The following IMPG1 variants were observed in gnomAD, a reference collection of about 807,000 sequenced individuals.
IMPG1 encodes interphotoreceptor matrix proteoglycan 1.
In IMPG1, 85 loss-of-function variants were observed where a neutral mutation model predicts 92.0. The ratio of observed to expected loss-of-function variants is 0.92; its 90% confidence interval spans 0.78 to 1.11. The LOEUF (loss-of-function observed/expected upper bound fraction) is 1.11, where lower values mean the gene tolerates loss of function less well. Among genes scored for constraint, IMPG1 ranks in the 50% least tolerant of loss-of-function variants. The probability of loss-of-function intolerance (pLI) is 0.00; values close to 1 mark genes in which losing one functional copy is unlikely to be tolerated. For synonymous variants in IMPG1, 367 were observed against 334.1 expected (o/e 1.10, Z -1.08); for missense variants, 1,022 against 956.0 (o/e 1.07, Z -0.91).
chr6:75,923,768 T>A, intron 15 of IMPG1, 62 bp from the exon 16 acceptor site: 1 of 869,012 alleles, frequency 1.2e-6, no homozygotes, highest in South Asian at 1.5e-5. Context: ...TAATAGTAAC[T>A]ACATCTTTCT....
chr6:76,071,650 C>G (rs766267460), intron 1 of IMPG1, among the ~76,000 whole-genome samples: 4 of 152,004 alleles, frequency 2.6e-5, no homozygotes, highest in African/African-American at 7.2e-5. Flanking sequence ...TGTTTATCAT[C>G]ATGAAGCTAT....
At position 76,006,548 on chromosome 6, in the gene IMPG1, G is replaced by GTA. The variant is rs138262601; in HGVS notation, c.887+930_887+931dup. On this transcript the variant is annotated intron_variant, in intron 9 of 16. Transcript: ENST00000369950. ...TATATACGTGTGTGTGTGTGTATGT[G>GTA]TATATATATATATACATATGTGTTG... Among the ~76,000 whole-genome samples the GTA allele has an allele frequency of 1.5e-3, 222 of 148,242 alleles. No homozygotes were observed. In the East Asian group the frequency reaches 0.015, roughly 10 times the overall value.
chr6:76,063,933 C>T (rs1310161227), intron 1 of IMPG1, among the ~76,000 whole-genome samples: 1 of 152,176 alleles, frequency 6.6e-6, no homozygotes, highest in Non-Finnish European at 1.5e-5. Flanking sequence ...AGAGTAACTG[C>T]ACTGCTTCTA....
intron 16 of IMPG1, 139 bp from the exon 17 acceptor site, chr6:75,922,305 C>T: frequency 1.8e-6 from 1 of 565,144 alleles, no homozygotes; most frequent in Non-Finnish European, 3.2e-6. Flanking sequence ...TTGAAGATGG[C>T]CTCAAAATAT....
intron 6 of IMPG1, among the ~76,000 whole-genome samples, chr6:76,019,504 A>G (rs902658676): frequency 6.6e-6 from 1 of 152,212 alleles, no homozygotes; most frequent in African/African-American, 2.4e-5. Context: ...GCCCTGAGGG[A>G]CAGAGCTCAA....
At chr6:75,998,151 A>C (rs777002615) in intron 12 of IMPG1, among the ~76,000 whole-genome samples, 14 of 152,238 alleles carry the variant, frequency 9.2e-5, no homozygotes, top group Non-Finnish European at 1.9e-4. Context: ...TGCTTCTAGA[A>C]CATTGATTTG....
intron 12 of IMPG1, among the ~76,000 whole-genome samples, chr6:75,981,355 T>C (rs1451732337): frequency 6.6e-6 from 1 of 152,196 alleles, no homozygotes; most frequent in South Asian, 2.1e-4. Flanking sequence ...AAATCCATAA[T>C]GTGATCACAT....
At position 75,971,419 on chromosome 6, in the gene IMPG1, G is replaced by A. The variant is rs536716025; in HGVS notation, c.1292-20325C>T. Among the ~76,000 whole-genome samples the A allele has an allele frequency of 7.2e-4, 109 of 151,944 alleles. 2 individuals are homozygous for A. In the South Asian group the frequency reaches 0.012, roughly 17 times the overall value. Reference sequence around the variant, plus strand: ...ACCAGCATGGCACATGTATACATACGTAACTAACCTGCACATTGTGCACAT... The same window carrying A: ...ACCAGCATGGCACATGTATACATACATAACTAACCTGCACATTGTGCACAT... On this transcript the variant is annotated intron_variant, in intron 12 of 16. Coordinates refer to ENST00000369950, the MANE Select transcript of IMPG1 (RefSeq NM_001563.4).
At chr6:75,971,913 A>G (rs551024423) in intron 12 of IMPG1, among the ~76,000 whole-genome samples, 1 of 152,142 alleles carries the variant, frequency 6.6e-6, no homozygotes, top group East Asian at 1.9e-4. Flanking sequence ...CTTTTTGCTG[A>G]TTGTGTGTTT....
intron 14 of IMPG1, chr6:75,934,874 A>G (rs1221975019): frequency 2.2e-6 from 1 of 458,456 alleles, no homozygotes; most frequent in South Asian, 1.6e-5. Context: ...TTATCTCCCT[A>G]ACATTTATCA....
At chr6:76,039,173 C>A (rs1223541510) in intron 2 of IMPG1, among the ~76,000 whole-genome samples, 1 of 152,136 alleles carries the variant, frequency 6.6e-6, no homozygotes, top group Non-Finnish European at 1.5e-5. Context: ...ACCTGGGGAA[C>A]TTGTTAAAAT....
chr6:75,991,428 A>G (rs976480812), intron 12 of IMPG1, among the ~76,000 whole-genome samples: 21 of 151,882 alleles, frequency 1.4e-4, no homozygotes, highest in African/African-American at 5.1e-4. Context: ...AGGCAGACAC[A>G]CTTGACTTCT....
chr6:76,067,109 C>A (rs1463500337), intron 1 of IMPG1, among the ~76,000 whole-genome samples: 1 of 151,754 alleles, frequency 6.6e-6, no homozygotes, highest in East Asian at 1.9e-4. Flanking sequence ...AAATTAACAA[C>A]CTAATGTCAC....
At chr6:76,004,061 A>G in intron 10 of IMPG1, 111 bp from the exon 11 acceptor site, 1 of 712,474 alleles carries the variant, frequency 1.4e-6, no homozygotes. Context: ...CTTAAGGAGT[A>G]GTACAACAAA....
In IMPG1 at chr6:75,921,622, A is replaced by G. The variant is rs544107980; in HGVS notation, c.*467T>C. 1.9e-4 allele frequency: 31 copies of G among 163,560 alleles called. No individual in the cohort carries two copies. Among genetic ancestry groups the G allele is most frequent in the Admixed American group, 3.2e-4 (5 of 15,634 alleles). The allele number at this position is 163,560 out of a possible 1,614,324, so 10.1% of individuals were successfully genotyped here. ...TATATACACTCACTACAGTGCCTAC[A>G]CACTACATACATTCATGCGTTTAGA... On this transcript the variant is annotated 3_prime_UTR_variant, in exon 17 of 17. Transcript: ENST00000369950.
At chr6:76,025,885 T>C (rs554392571) in intron 4 of IMPG1, among the ~76,000 whole-genome samples, 10 of 152,332 alleles carry the variant, frequency 6.6e-5, no homozygotes, top group African/African-American at 2.4e-4. Context: ...GTGGTAGAGC[T>C]ATTTGTGTAT....
chr6:75,974,382 T>C lies in IMPG1; in HGVS notation c.1292-23288A>G, dbSNP rs1562354677. 7.0e-3 allele frequency among the ~76,000 whole-genome samples: 777 copies of C among 110,454 alleles called. 5 individuals carry two copies. The highest frequency in any genetic ancestry group is 9.6e-3 in the South Asian group (30 of 3,114). 72.5% of individuals were successfully genotyped at this position (110,454 alleles called of 152,430 possible). A position where few individuals can be genotyped will look rare whatever the true frequency, so the allele number is the denominator to read the frequency against. ...TTCTTTCTTTCTTTCTTTCTTTCTT[T>C]CTTTCTTTCTTTTCTTTCTTTCCTT... On this transcript the variant is annotated intron_variant, in intron 12 of 16. Coordinates refer to ENST00000369950, the MANE Select transcript of IMPG1 (RefSeq NM_001563.4).
chr6:75,960,005 G>A (rs1782190520), intron 12 of IMPG1, among the ~76,000 whole-genome samples: 1 of 152,188 alleles, frequency 6.6e-6, no homozygotes, highest in African/African-American at 2.4e-5. Flanking sequence ...GTAGGCACCT[G>A]AGGAAATCTC....
intron 12 of IMPG1, among the ~76,000 whole-genome samples, chr6:75,952,284 T>G (rs1001794392): frequency 3.9e-5 from 6 of 152,186 alleles, no homozygotes; most frequent in Non-Finnish European, 7.3e-5. Context: ...AAAGCTCTGT[T>G]GAAATCCAAA....
Sources: allele counts gnomAD v4.1 joint callset (sites outside exome capture counted in the v4.1 genomes callset), GRCh38; gene constraint gnomAD v4.1.1; transcripts MANE v1.5; gene names NCBI Gene and HGNC (gene_info 2026-07-23, HGNC 2026-07-21).